CYP11A1: variants seen among roughly 807,000 people sequenced by gnomAD.
The protein encoded by CYP11A1 is cytochrome P450 family 11 subfamily A member 1.
In CYP11A1, 25 loss-of-function variants were observed where a neutral mutation model predicts 51.9. That is an observed-to-expected ratio of 0.48 (90% confidence interval 0.35 to 0.67). CYP11A1 has a LOEUF of 0.67. Among genes scored for constraint, CYP11A1 ranks in the 30% least tolerant of loss-of-function variants. CYP11A1 has a pLI of 0.00. For synonymous variants in CYP11A1, 245 were observed against 262.1 expected (o/e 0.93, Z 0.63); for missense variants, 578 against 680.9 (o/e 0.85, Z 1.68).
At chr15:74,347,167 G>C (rs1293061582) in intron 2 of CYP11A1, among the ~76,000 whole-genome samples, 2 of 152,022 alleles carry the variant, frequency 1.3e-5, no homozygotes, top group Non-Finnish European at 2.9e-5. Context: ...CTAGCACTTT[G>C]GAAGGCTGAA....
intron 1 of CYP11A1, among the ~76,000 whole-genome samples, chr15:74,360,372 C>T (rs576102450): frequency 6.6e-6 from 1 of 152,126 alleles, no homozygotes; most frequent in South Asian, 2.1e-4. Flanking sequence ...ATCTCCATCT[C>T]CCAGATTCAA....
At chr15:74,340,918 C>T (rs2060603955) in intron 5 of CYP11A1, among the ~76,000 whole-genome samples, 1 of 152,202 alleles carries the variant, frequency 6.6e-6, no homozygotes, top group Non-Finnish European at 1.5e-5. Context: ...CAGAAGTCTT[C>T]CCCACGCTAG....
At chr15:74,362,502 AAAGACTGT>A in intron 1 of CYP11A1, 1 of 153,368 alleles carries the variant, frequency 6.5e-6, no homozygotes, top group Non-Finnish European at 1.5e-5. Context: ...AACATCAGAG[AAAGACTGT>A]CCTTGCCATC....
chr15:74,361,554 G>A lies in CYP11A1; in HGVS notation c.269+5763C>T, dbSNP rs560856704. 4.0e-5 allele frequency: 31 copies of A among 773,380 alleles called. No individual in the cohort carries two copies. In the African/African-American group the frequency reaches 5.0e-4, roughly 12 times the overall value. 47.9% of individuals were successfully genotyped at this position (773,380 alleles called of 1,614,324 possible). On this transcript the variant is annotated intron_variant, in intron 1 of 8. Coordinates refer to ENST00000268053, the MANE Select transcript of CYP11A1 (RefSeq NM_000781.3). ...CCAGGAGCCCTGTACTATCAGCCAT[G>A]GTCAACCCCACCGTGTTCTTTGACA...
At position 74,345,420 on chromosome 15, in the gene CYP11A1, C is replaced by T; in HGVS notation, c.426-177G>A. On this transcript the variant is annotated intron_variant, in intron 2 of 8. Transcript: ENST00000268053. This position sits in a 1 kb window ranked among gnomAD's most constrained non-coding sequence, Gnocchi z 4.3. ...CCCTCTGCCTCTCACCTCCTCCCTG[C>T]TCTGCCTGGCTGGGAGAAGAGAAAG... 1.5e-6 allele frequency: 1 copy of T among 653,676 alleles called. No homozygotes were observed. Among genetic ancestry groups the T allele is most frequent in the Non-Finnish European group, 2.7e-6 (1 of 366,470 alleles). The allele number at this position is 653,676 out of a possible 1,614,324, so 40.5% of individuals were successfully genotyped here.
At chr15:74,350,303 GTTGTATT>G (rs1311039263) in intron 1 of CYP11A1, 2 of 200,846 alleles carry the variant, frequency 1.0e-5, no homozygotes, top group Non-Finnish European at 2.3e-5. Context: ...ACCCACAAAA[GTTGTATT>G]TTAAATTCCT....
At chr15:74,358,314 TC>T (rs2060691203) in intron 1 of CYP11A1, among the ~76,000 whole-genome samples, 1 of 152,124 alleles carries the variant, frequency 6.6e-6, no homozygotes, top group African/African-American at 2.4e-5. Flanking sequence ...TACTAAAACT[TC>T]CACCTATCAA....
At chr15:74,348,414 C>A (rs143558489) in intron 1 of CYP11A1, among the ~76,000 whole-genome samples, 2 of 152,336 alleles carry the variant, frequency 1.3e-5, no homozygotes, top group Admixed American at 6.5e-5. Flanking sequence ...CTTGCGCATT[C>A]TTCCTGTGTC....
At chr15:74,366,049 C>G (rs968184802) in intron 1 of CYP11A1, 2 of 985,560 alleles carry the variant, frequency 2.0e-6, no homozygotes, top group African/African-American at 3.5e-5. Flanking sequence ...GCGGGTCGAC[C>G]CGGGGGGCGG....
chr15:74,338,557 C>G lies in CYP11A1; in HGVS notation c.1434+14G>C, dbSNP rs764826737. On this transcript the variant is annotated intron_variant, in intron 8 of 8. Coordinates refer to ENST00000268053, the MANE Select transcript of CYP11A1 (RefSeq NM_000781.3). ...GCCAGCCCAGGGTGCCTAGATGTCC[C>G]CAGCTTGACTCACATTGATGAGGAA... 5.0e-6 allele frequency: 8 copies of G among 1,613,910 alleles called. No individual in the cohort carries two copies. The highest frequency in any genetic ancestry group is 6.8e-6 in the Non-Finnish European group (8 of 1,179,936).
intron 2 of CYP11A1, among the ~76,000 whole-genome samples, chr15:74,346,795 C>CT (rs1163583113): frequency 1.4e-4 from 21 of 145,716 alleles, no homozygotes; most frequent in African/African-American, 4.6e-4. Flanking sequence ...TTTACCTTTT[C>CT]TTTTCTTTTT....
At chr15:74,350,137 T>C (rs1450746051) in intron 1 of CYP11A1, 2 of 401,690 alleles carry the variant, frequency 5.0e-6, no homozygotes, top group South Asian at 2.0e-5. Flanking sequence ...TGAGACAACA[T>C]AAGCAGCATA....
At chr15:74,367,012 G>A (rs976532552) in intron 1 of CYP11A1, 1 of 429,072 alleles carries the variant, frequency 2.3e-6, no homozygotes, top group Admixed American at 3.7e-5. Flanking sequence ...CACCATGCCT[G>A]GCCAGACCTG....
rs2060628458 is a variant in CYP11A1 at position 74,345,369 on chromosome 15, G to A, written c.426-126C>T. 2 of 986,674 alleles carry A rather than the reference G, an allele frequency of 2.0e-6. No individual in the cohort carries two copies. The highest frequency in any genetic ancestry group is 3.2e-6 in the Non-Finnish European group (2 of 634,384). 61.1% of individuals were successfully genotyped at this position (986,674 alleles called of 1,614,324 possible). On this transcript the variant is annotated intron_variant, in intron 2 of 8. Transcript: ENST00000268053. This position sits in a 1 kb window ranked among gnomAD's most constrained non-coding sequence, Gnocchi z 4.3. ...TCACAGCATCCAGCACTCCCACCAG[G>A]GCCTCTGCCCTCACCTCTCCGAGCA...
In CYP11A1 at chr15:74,345,668, A is replaced by G. The variant is rs2141235730; in HGVS notation, c.426-425T>C. 6.6e-6 allele frequency among the ~76,000 whole-genome samples: 1 copy of G among 152,046 alleles called. No homozygotes were observed. Among genetic ancestry groups the G allele is most frequent in the African/African-American group, 2.4e-5 (1 of 41,470 alleles). Reference sequence around the variant, plus strand: ...ATAACATTTTCTGACTCTTGCACAAACAAAATTGACCAGCCTCTCCTCCTC... The same window carrying G: ...ATAACATTTTCTGACTCTTGCACAAGCAAAATTGACCAGCCTCTCCTCCTC... On this transcript the variant is annotated intron_variant, in intron 2 of 8. Coordinates refer to ENST00000268053, the MANE Select transcript of CYP11A1 (RefSeq NM_000781.3). This position sits in a 1 kb window ranked among gnomAD's most constrained non-coding sequence, Gnocchi z 4.3.
At chr15:74,346,366 A>G (rs1171827775) in intron 2 of CYP11A1, among the ~76,000 whole-genome samples, 1 of 150,200 alleles carries the variant, frequency 6.7e-6, no homozygotes, top group Non-Finnish European at 1.5e-5. Flanking sequence ...AAAAAAAAAA[A>G]AAAAAAAGAA....
chr15:74,352,609 G>C (rs749990845), intron 1 of CYP11A1, among the ~76,000 whole-genome samples: 1 of 152,100 alleles, frequency 6.6e-6, no homozygotes, highest in African/African-American at 2.4e-5. Context: ...TGCTTGGGGC[G>C]AGCCTGCCTC....
At chr15:74,363,096 C>G (rs1476891024) in intron 1 of CYP11A1, 1 of 152,212 alleles carries the variant, frequency 6.6e-6, no homozygotes, top group Non-Finnish European at 1.5e-5. Context: ...AAATTCTACT[C>G]TAAAGGCTAC....
intron 1 of CYP11A1, chr15:74,366,745 T>G (rs2060735345): frequency 6.5e-6 from 1 of 153,672 alleles, no homozygotes; most frequent in Admixed American, 6.5e-5. Context: ...AGACAGAATC[T>G]CACTCTGTCG....
Sources: allele counts gnomAD v4.1 joint callset (sites outside exome capture counted in the v4.1 genomes callset), GRCh38; gene constraint gnomAD v4.1.1; non-coding constraint Gnocchi (gnomAD v3.1); transcripts MANE v1.5; gene names NCBI Gene and HGNC (gene_info 2026-07-23, HGNC 2026-07-21).